Variants in NETO1 observed in about 807,000 individuals in gnomAD.
The protein encoded by NETO1 is neuropilin and tolloid-like protein 1.
Under a neutral mutation model 61.3 loss-of-function variants are expected in NETO1, and 26 were observed. The ratio of observed to expected loss-of-function variants is 0.42; its 90% CI spans 0.31 to 0.59. NETO1 has a LOEUF of 0.59. Ranked by LOEUF, NETO1 falls within the 20% of genes least tolerant of loss-of-function variation. The pLI, the probability that NETO1 is intolerant of heterozygous loss-of-function variation, is 0.12. For synonymous variants in NETO1, 225 were observed against 225.8 expected, an observed-to-expected ratio of 1.00 and a Z score of 0.03; for missense variants, 531 against 662.8, an observed-to-expected ratio of 0.80 and a Z score of 2.18.
At chr18:72,751,048 A>AATACACACACAC (rs1400812133) in intron 8 of NETO1, among the ~76,000 whole-genome samples, 1 of 29,450 alleles carries the variant, frequency 3.4e-5, no homozygotes, top group East Asian at 5.5e-4. Context: ...CTCATCTTAA[A>AATACACACACAC]ATACACACAC....
intron 7 of NETO1, among the ~76,000 whole-genome samples, chr18:72,757,587 T>C (rs1599099229): frequency 6.6e-6 from 1 of 151,874 alleles, no homozygotes; most frequent in African/African-American, 2.4e-5. Flanking sequence ...TTTTGGAAAA[T>C]GAAAATTAAG....
At chr18:72,852,581 T>C (rs2074284972) in intron 4 of NETO1, among the ~76,000 whole-genome samples, 1 of 152,124 alleles carries the variant, frequency 6.6e-6, no homozygotes, top group African/African-American at 2.4e-5. Context: ...CTGCTTTCAA[T>C]ATTCTCTGCA....
At position 72,784,120 on chromosome 18, in the gene NETO1, C is replaced by G. The variant is rs188790404; in HGVS notation, c.640-214G>C. Among the ~76,000 whole-genome samples, 456 of 152,086 alleles carry G rather than the reference C, an allele frequency of 3.0e-3. 3 individuals carry two copies. Among genetic ancestry groups the G allele is most frequent in the African/African-American group, 0.01 (431 of 41,506 alleles). On this transcript the variant is annotated intron_variant, in intron 6 of 10. Coordinates refer to ENST00000327305, the MANE Select transcript of NETO1 (RefSeq NM_138966.5). ...ATTATCCTTTCTTTACTTAAATGCA[C>G]CATTTTCTAGAGCTGAGTATTTTTA...
rs368047239 is a variant in NETO1 at position 72,808,419 on chromosome 18, TTGTGTGTG to T, written c.470-14023_470-14016del. Among the ~76,000 whole-genome samples, 222 of 141,922 alleles carry T rather than the reference TTGTGTGTG, an allele frequency of 1.6e-3. 1 individual carries two copies. Among genetic ancestry groups the T allele is most frequent in the South Asian group, 0.011 (46 of 4,086 alleles). 93.1% of individuals were successfully genotyped at this position (141,922 alleles called of 152,430 possible). Reference sequence around the variant, plus strand: ...TGGAAGCAGTGGTGGCACTGCAGATTTGTGTGTGTGTGTGTGTGTGTGTGTGTGTGTGT... The same window carrying T: ...TGGAAGCAGTGGTGGCACTGCAGATTTGTGTGTGTGTGTGTGTGTGTGTGT... On this transcript the variant is annotated intron_variant, in intron 4 of 10. Coordinates refer to ENST00000327305, the MANE Select transcript of NETO1 (RefSeq NM_138966.5).
intron 4 of NETO1, among the ~76,000 whole-genome samples, chr18:72,825,269 A>C (rs1365607143): frequency 6.6e-6 from 1 of 152,194 alleles, no homozygotes; most frequent in East Asian, 1.9e-4. Context: ...TACTTCATCA[A>C]ATAATAGCTG....
At chr18:72,766,158 A>T (rs1164223556) in intron 7 of NETO1, among the ~76,000 whole-genome samples, 1 of 151,544 alleles carries the variant, frequency 6.6e-6, no homozygotes, top group Non-Finnish European at 1.5e-5. Flanking sequence ...GTGAGTCGAG[A>T]TTGTGCCACT....
chr18:72,762,977 G>GT (rs1198003794), intron 7 of NETO1, among the ~76,000 whole-genome samples: 3 of 152,134 alleles, frequency 2.0e-5, no homozygotes, highest in Non-Finnish European at 2.9e-5. Context: ...AGAACACATT[G>GT]TTTTTTAATG....
intron 7 of NETO1, among the ~76,000 whole-genome samples, chr18:72,781,685 T>G (rs1599163489): frequency 6.6e-6 from 1 of 152,202 alleles, no homozygotes; most frequent in East Asian, 1.9e-4. Flanking sequence ...AAAATAACTG[T>G]CTAACACACT....
intron 1 of NETO1, chr18:72,866,667 C>G (rs1010158266): frequency 1.0e-6 from 1 of 956,768 alleles, no homozygotes; most frequent in Non-Finnish European, 1.2e-6. Context: ...TTTTCTTATA[C>G]TGCCTTTTAC....
intron 4 of NETO1, among the ~76,000 whole-genome samples, chr18:72,815,010 C>A (rs929048111): frequency 6.6e-6 from 1 of 151,902 alleles, no homozygotes; most frequent in African/African-American, 2.4e-5. Flanking sequence ...TTTGGTGTTG[C>A]TAAAGCAGAA....
At chr18:72,768,971 TCAGG>T (rs1362348927) in intron 7 of NETO1, among the ~76,000 whole-genome samples, 1 of 152,222 alleles carries the variant, frequency 6.6e-6, no homozygotes, top group Admixed American at 6.5e-5. Context: ...AGCAGATTTC[TCAGG>T]CAATCTGACT....
intron 4 of NETO1, among the ~76,000 whole-genome samples, chr18:72,852,284 G>A (rs1264987206): frequency 6.6e-6 from 1 of 151,944 alleles, no homozygotes; most frequent in Middle Eastern, 3.4e-3. Flanking sequence ...GCATGATCTC[G>A]GCTCACTGCA....
At chr18:72,777,615 T>A (rs182818257) in intron 7 of NETO1, among the ~76,000 whole-genome samples, 2 of 150,448 alleles carry the variant, frequency 1.3e-5, no homozygotes, top group Admixed American at 6.6e-5. Flanking sequence ...TGGTGGCGGG[T>A]GCCTGTAGTC....
At chr18:72,770,466 T>A (rs12961269) in intron 7 of NETO1, among the ~76,000 whole-genome samples, 49,059 of 151,930 alleles carry the variant, frequency 0.32, 8,544 homozygotes, top group South Asian at 0.48. Context: ...CTGCCAATAT[T>A]TAACACACAT....
At chr18:72,834,918 A>T in intron 4 of NETO1, 1 of 752,420 alleles carries the variant, frequency 1.3e-6, no homozygotes, top group Non-Finnish European at 1.6e-6. Context: ...TTTTAATATC[A>T]TATATAAAAT....
intron 4 of NETO1, among the ~76,000 whole-genome samples, chr18:72,819,942 G>A (rs1197489716): frequency 6.6e-6 from 1 of 152,054 alleles, no homozygotes; most frequent in African/African-American, 2.4e-5. Context: ...TAAATAATTT[G>A]CAATTTGTTG....
intron 7 of NETO1, among the ~76,000 whole-genome samples, chr18:72,771,048 T>A (rs11664647): frequency 6.6e-6 from 1 of 151,870 alleles, no homozygotes; most frequent in Non-Finnish European, 1.5e-5. Flanking sequence ...CAGAGGGTTA[T>A]TGAGTTATAA....
intron 4 of NETO1, among the ~76,000 whole-genome samples, chr18:72,816,522 G>A (rs558042152): frequency 2.0e-5 from 3 of 152,272 alleles, no homozygotes; most frequent in South Asian, 2.1e-4. Context: ...ATTTGGGAGC[G>A]GGGGAAAGGG....
In NETO1 at chr18:72,750,281, T is replaced by C. The variant is rs1281761113; in HGVS notation, c.1322A>G (p.Lys441Arg). Residue 441 changes from lysine to arginine, a missense_variant, in exon 9 of 11, where the codon AAA becomes AGA. Lys to Arg is a conservative substitution (Grantham distance 26, BLOSUM62 2). Transcript: ENST00000327305. The stretch of plus-strand genomic sequence containing the variant: ...TGTGCTGAGGTTACTGCGGCTGCCT[T>C]TAGTGCTGGACAGCTGTGATCCACA... Reference protein sequence around the residue: ...HHCGSQLSSTKGSRSNLSTRD... With the variant: ...HHCGSQLSSTRGSRSNLSTRD... 6.2e-7 allele frequency: 1 copy of C among 1,614,050 alleles called. No individual in the cohort carries two copies. Among genetic ancestry groups the C allele is most frequent in the Non-Finnish European group, 8.5e-7 (1 of 1,179,980 alleles).
Sources: allele counts gnomAD v4.1 joint callset (sites outside exome capture counted in the v4.1 genomes callset), GRCh38; gene constraint gnomAD v4.1.1; transcripts MANE v1.5; gene names NCBI Gene and HGNC (gene_info 2026-07-23, HGNC 2026-07-21).